Variants in TENM2 observed in about 807,000 individuals in gnomAD.
TENM2 encodes the protein teneurin-2.
Under a neutral mutation model 245.2 loss-of-function variants are expected in TENM2, and 52 were observed. The ratio of observed to expected loss-of-function variants is 0.21; its 90% CI spans 0.17 to 0.27. The LOEUF (loss-of-function observed/expected upper bound fraction) is 0.27, where lower values mean the gene tolerates loss of function less well. TENM2 is among the 10% of genes least tolerant of loss of function. The pLI is 1.00. For missense variants in TENM2, 3,046 were observed against 3,666.8 expected, an observed-to-expected ratio of 0.83 and a Z score of 4.37; for synonymous variants, 1,363 against 1,438.9, an observed-to-expected ratio of 0.95 and a Z score of 1.19.
chr5:167,428,131 T>A (rs1050135761), intron 2 of TENM2, among the ~76,000 whole-genome samples: 3 of 152,208 alleles, frequency 2.0e-5, no homozygotes, highest in Non-Finnish European at 2.9e-5. Context: ...TTAAAATGAG[T>A]ATTTTCTTTC....
intron 5 of TENM2, among the ~76,000 whole-genome samples, chr5:168,025,350 G>C (rs990698722): frequency 1.3e-5 from 2 of 152,216 alleles, no homozygotes; most frequent in African/African-American, 4.8e-5. Context: ...TTTGAGAATG[G>C]TTAAAGTGGA....
intron 2 of TENM2, among the ~76,000 whole-genome samples, chr5:167,633,143 A>G (rs1778982114): frequency 6.6e-6 from 1 of 152,188 alleles, no homozygotes; most frequent in African/African-American, 2.4e-5. Context: ...GGCTTAAGTT[A>G]GAAGATAGAG....
At chr5:167,128,891 A>G in the TENM2 span, among the ~76,000 whole-genome samples, 1 of 152,200 alleles carries the variant, frequency 6.6e-6, no homozygotes, top group Admixed American at 6.5e-5. Flanking sequence ...AAAGAAATAA[A>G]CAACCAAACA....
the TENM2 span, among the ~76,000 whole-genome samples, chr5:167,054,937 CCTAT>C: frequency 1.3e-4 from 20 of 152,022 alleles, no homozygotes; most frequent in Admixed American, 2.0e-4. Context: ...AGTCCTTTAT[CCTAT>C]CTGTCTTTTA....
chr5:167,264,620 C>G, the TENM2 span, among the ~76,000 whole-genome samples: 1 of 152,272 alleles, frequency 6.6e-6, no homozygotes, highest in South Asian at 2.1e-4. Context: ...AGATATACTG[C>G]AATATCTTAA....
chr5:167,591,806 T>C (rs982412655), intron 2 of TENM2, among the ~76,000 whole-genome samples: 5 of 152,234 alleles, frequency 3.3e-5, no homozygotes, highest in African/African-American at 1.2e-4. Context: ...TAGTTGGCAT[T>C]CTCAATAATC....
rs540128698 is a variant in TENM2 at position 168,155,201 on chromosome 5, A to G, written c.2423-7410A>G. Reference sequence around the variant, plus strand: ...CCACTGCTGTTCAGTATAAATGGCTACCTGAACCCCTGGTGATCCCCGATC... The same window carrying G: ...CCACTGCTGTTCAGTATAAATGGCTGCCTGAACCCCTGGTGATCCCCGATC... On this transcript the variant is annotated intron_variant, in intron 12 of 28. Transcript: ENST00000518659. Among the ~76,000 whole-genome samples the G allele has an allele frequency of 1.1e-4, 17 of 152,248 alleles. No homozygotes were observed. In the South Asian group the frequency reaches 3.3e-3, roughly 30 times the overall value.
intron 12 of TENM2, among the ~76,000 whole-genome samples, chr5:168,132,848 C>T (rs1255490672): frequency 2.6e-5 from 4 of 152,172 alleles, no homozygotes; most frequent in African/African-American, 4.8e-5. Context: ...TTTCACAATA[C>T]GCACTAAAGA....
At chr5:168,112,761 G>T (rs1479061285) in intron 9 of TENM2, among the ~76,000 whole-genome samples, 1 of 152,036 alleles carries the variant, frequency 6.6e-6, no homozygotes, top group Non-Finnish European at 1.5e-5. Flanking sequence ...TTTGAGTTTT[G>T]GTTTGAGGGG....
At chr5:167,609,515 A>AAAAAAAAAAAAAAAAG (rs1582533515) in intron 2 of TENM2, among the ~76,000 whole-genome samples, 1 of 87,764 alleles carries the variant, frequency 1.1e-5, no homozygotes, top group African/African-American at 3.2e-5. Context: ...AAAAAAAACA[A>AAAAAAAAAAAAAAAAG]AACCTTACCT....
chr5:167,943,177 T>C (rs1779326145), intron 3 of TENM2, among the ~76,000 whole-genome samples: 1 of 152,188 alleles, frequency 6.6e-6, no homozygotes, highest in Non-Finnish European at 1.5e-5. Flanking sequence ...AGATAGTAAA[T>C]AATTCTGCTG....
chr5:167,100,278 A>T, the TENM2 span, among the ~76,000 whole-genome samples: 1 of 152,126 alleles, frequency 6.6e-6, no homozygotes, highest in Non-Finnish European at 1.5e-5. Flanking sequence ...GAAGGCACAG[A>T]TGGAGATGGT....
intron 2 of TENM2, among the ~76,000 whole-genome samples, chr5:167,750,323 C>T (rs752542386): frequency 2.0e-5 from 3 of 152,072 alleles, no homozygotes; most frequent in Admixed American, 1.3e-4. Flanking sequence ...GTTTGCCAGG[C>T]GTTGACAGGG....
chr5:167,484,268 C>T (rs1767933116), intron 2 of TENM2, among the ~76,000 whole-genome samples: 1 of 152,076 alleles, frequency 6.6e-6, no homozygotes, highest in Non-Finnish European at 1.5e-5. Flanking sequence ...TCGCTTGAAC[C>T]CCTTATTACC....
chr5:167,326,597 C>G (rs1757092873), intron 1 of TENM2, among the ~76,000 whole-genome samples: 1 of 151,538 alleles, frequency 6.6e-6, no homozygotes, highest in African/African-American at 2.4e-5. Context: ...CGCTTGAACC[C>G]AGGAGACGGA....
chr5:167,105,713 C>G, the TENM2 span, among the ~76,000 whole-genome samples: 1 of 149,724 alleles, frequency 6.7e-6, no homozygotes, highest in African/African-American at 2.5e-5. Flanking sequence ...ACGGTGAAAC[C>G]CCGTCTCTAC....
chr5:167,722,858 T>C (rs1240944392), intron 2 of TENM2, among the ~76,000 whole-genome samples: 1 of 152,194 alleles, frequency 6.6e-6, no homozygotes, highest in African/African-American at 2.4e-5. Flanking sequence ...CAATTTTAGG[T>C]CTCTTTCTCC....
At chr5:167,200,670 G>A in the TENM2 span, among the ~76,000 whole-genome samples, 37 of 152,110 alleles carry the variant, frequency 2.4e-4, no homozygotes, top group Non-Finnish European at 4.6e-4. Flanking sequence ...GTGATACCAA[G>A]CGATGAGAAC....
At chr5:167,450,222 T>C (rs80003210) in intron 2 of TENM2, among the ~76,000 whole-genome samples, 5,125 of 152,304 alleles carry the variant, frequency 0.034, 136 homozygotes, top group African/African-American at 0.074. Flanking sequence ...TTCAAGGGTC[T>C]TGGTACCTGC....
Sources: gnomAD v4.1 joint callset for allele counts (sites outside exome capture counted in the v4.1 genomes callset) on GRCh38, gnomAD v4.1.1 for gene constraint, MANE v1.5 for transcripts, NCBI Gene and HGNC (gene_info 2026-07-23, HGNC 2026-07-21) for gene names.